The following ANKRD30A variants were observed in gnomAD, a reference collection of about 807,000 sequenced individuals.
ANKRD30A encodes ankyrin repeat domain-containing protein 30A.
Under a neutral mutation model 166.3 loss-of-function variants are expected in ANKRD30A, and 170 were observed. The observed-to-expected ratio is 1.02, with a 90% CI of 0.90 to 1.16. The LOEUF (loss-of-function observed/expected upper bound fraction) is 1.16. Ranked by LOEUF, ANKRD30A falls within the 50% of genes most tolerant of loss-of-function variation. The pLI is 0.00. For missense variants in ANKRD30A, 1,630 were observed against 1,518.0 expected (o/e 1.07, Z -1.23); for synonymous variants, 564 against 508.9 (o/e 1.11, Z -1.46).
Position 37,141,811 on chromosome 10 carries a change from A to T in ANKRD30A, c.914A>T (p.Glu305Val). ...AGCTTGGTGGAAAAAACACCTGATG[A>T]GGCTGCACCCTTGGTGGAAAGAACA... ...AESLVEKTPD[E>V]AAPLVERTPD... Residue 305 changes from glutamate (E) to valine (V), a missense_variant, in exon 7 of 36, where the codon GAG becomes GTG. Transcript: ENST00000361713. 6.2e-7 allele frequency: 1 copy of T among 1,612,476 alleles called. No individual in the cohort carries two copies. Among genetic ancestry groups the T allele is most frequent in the Non-Finnish European group, 8.5e-7 (1 of 1,179,530 alleles).
Position 37,165,245 on chromosome 10 carries a change from G to T in ANKRD30A, c.2064+90G>T, listed in dbSNP as rs1479896507. 12 of 1,216,082 alleles carry T rather than the reference G, an allele frequency of 9.9e-6. 1 individual carries two copies. The highest frequency in any genetic ancestry group is 7.8e-5 in the Admixed American group (4 of 51,310). 75.3% of individuals were successfully genotyped at this position (1,216,082 alleles called of 1,614,324 possible). A position where few individuals can be genotyped will look rare whatever the true frequency, so the allele number is the denominator to read the frequency against. On this transcript the variant is annotated intron_variant, in intron 18 of 35. Transcript: ENST00000361713. ...GCTTAGTCTTTATTTTCTCACCTCT[G>T]CATGTGTCACCCTCAAATTATTTTT...
chr10:37,147,767 G>A (rs1265528696), intron 9 of ANKRD30A, among the ~76,000 whole-genome samples: 1 of 152,112 alleles, frequency 6.6e-6, no homozygotes, highest in East Asian at 1.9e-4. Flanking sequence ...AGTACAGGGA[G>A]TTCATGAAGG....
Position 37,149,804 on chromosome 10 carries a change from C to G in ANKRD30A, c.1600C>G (p.Pro534Ala). Residue 534 changes from proline (P) to alanine (A), a missense_variant, in exon 11 of 36, where the codon CCA becomes GCA. Physicochemically the swap from Pro to Ala is conservative, Grantham distance 27 (BLOSUM62 -1). This residue lies in a region of ANKRD30A where 904 missense variants were observed against 818.5 expected (regional missense o/e 1.10). Coordinates refer to ENST00000361713, the MANE Select transcript of ANKRD30A (RefSeq NM_052997.3). ...KPAIEMQNSV[P>A]NKAFELKNEQ... ...TGCCATTGAAATGCAAAACTCTGTT[C>G]CAAATAAAGCCTTTGAATTGAAGAA... The G allele has an allele frequency of 6.2e-7, 1 of 1,612,834 alleles. No homozygotes were observed. The highest frequency in any genetic ancestry group is 2.2e-5 in the East Asian group (1 of 44,766).
the ANKRD30A span, among the ~76,000 whole-genome samples, chr10:37,246,730 T>C: frequency 3.3e-5 from 5 of 152,138 alleles, no homozygotes; most frequent in African/African-American, 4.8e-5. Flanking sequence ...GCATTAAGGA[T>C]GGTTCTAGAG....
chr10:37,256,941 T>C, the ANKRD30A span, among the ~76,000 whole-genome samples: 40 of 152,194 alleles, frequency 2.6e-4, no homozygotes, highest in Admixed American at 2.6e-3. Context: ...TCTTTTCTTT[T>C]GTTTGGAATA....
intron 4 of ANKRD30A, among the ~76,000 whole-genome samples, chr10:37,132,785 G>A (rs1312557111): frequency 1.3e-5 from 2 of 152,130 alleles, no homozygotes; most frequent in Non-Finnish European, 2.9e-5. Flanking sequence ...ATCACTTGAG[G>A]CCAGGAGTTT....
At chr10:37,165,808 T>C (rs560548463) in intron 18 of ANKRD30A, among the ~76,000 whole-genome samples, 3 of 152,238 alleles carry the variant, frequency 2.0e-5, no homozygotes, top group South Asian at 2.1e-4. Flanking sequence ...CGTCAAATCA[T>C]AGTGATGTAT....
intron 12 of ANKRD30A, among the ~76,000 whole-genome samples, chr10:37,152,997 T>A (rs1243621918): frequency 1.3e-5 from 2 of 152,176 alleles, no homozygotes; most frequent in African/African-American, 4.8e-5. Flanking sequence ...AAGCACTTTT[T>A]CTATCACCAT....
chr10:37,191,303 G>T (rs1378527866), intron 25 of ANKRD30A, among the ~76,000 whole-genome samples: 1 of 151,846 alleles, frequency 6.6e-6, no homozygotes, highest in African/African-American at 2.4e-5. Context: ...TTAATATTAT[G>T]CTCTAAATAT....
At chr10:37,204,084 A>G (rs1841829096) in intron 31 of ANKRD30A, among the ~76,000 whole-genome samples, 1 of 152,320 alleles carries the variant, frequency 6.6e-6, no homozygotes, top group Admixed American at 6.5e-5. Flanking sequence ...TATGGATTCA[A>G]TGCCATCCCC....
At chr10:37,227,885 C>T (rs776095098) in intron 34 of ANKRD30A, among the ~76,000 whole-genome samples, 1 of 151,914 alleles carries the variant, frequency 6.6e-6, no homozygotes, top group Non-Finnish European at 1.5e-5. Context: ...AGAGTCAGTC[C>T]AGACTGTAAG....
At chr10:37,197,934 G>A (rs1028914211) in intron 29 of ANKRD30A, among the ~76,000 whole-genome samples, 8 of 151,996 alleles carry the variant, frequency 5.3e-5, no homozygotes, top group South Asian at 2.1e-4. Context: ...CAGTAACTCG[G>A]ATTAGTGAAC....
intron 6 of ANKRD30A, among the ~76,000 whole-genome samples, 160 bp downstream of exon 6, chr10:37,136,831 G>GTGTGTGTGTATA (rs67891035): frequency 2.1e-5 from 3 of 141,934 alleles, no homozygotes; most frequent in African/African-American, 7.8e-5. Flanking sequence ...GTGTGTGTGT[G>GTGTGTGTGTATA]TATATATATA....
intron 31 of ANKRD30A, among the ~76,000 whole-genome samples, chr10:37,212,453 T>G (rs191961771): frequency 1.3e-5 from 2 of 152,170 alleles, no homozygotes; most frequent in African/African-American, 4.8e-5. Flanking sequence ...CCCAAGGTAA[T>G]TTATCGATTC....
intron 25 of ANKRD30A, among the ~76,000 whole-genome samples, chr10:37,190,279 G>A (rs1306879691): frequency 6.6e-6 from 1 of 151,882 alleles, no homozygotes; most frequent in Non-Finnish European, 1.5e-5. Context: ...AGGTGATGCT[G>A]ATGCTGGTGG....
At chr10:37,243,167 C>A in the ANKRD30A span, among the ~76,000 whole-genome samples, 7 of 148,396 alleles carry the variant, frequency 4.7e-5, no homozygotes, top group Admixed American at 3.4e-4. Context: ...CGGAGTCTCG[C>A]TCTGTCGCCC....
At chr10:37,145,802 A>C (rs1024078985) in intron 8 of ANKRD30A, among the ~76,000 whole-genome samples, 13 of 152,402 alleles carry the variant, frequency 8.5e-5, no homozygotes, top group African/African-American at 2.9e-4. Context: ...CATAAAAGAT[A>C]ATGCTTGGAT....
At chr10:37,133,427 G>A (rs1360702388) in intron 4 of ANKRD30A, among the ~76,000 whole-genome samples, 1 of 152,130 alleles carries the variant, frequency 6.6e-6, no homozygotes, top group Non-Finnish European at 1.5e-5. Flanking sequence ...AAGGACTATT[G>A]TGTTGAAGTA....
In ANKRD30A at chr10:37,219,134, A is replaced by G. The variant is rs1200176851; in HGVS notation, c.3422A>G (p.Glu1141Gly). The change falls in exon 34 of 36, where the codon GAA becomes GGA. Residue 1141 changes from glutamate to glycine, a missense_variant. By Grantham distance (98) the Glu-to-Gly change is moderately conservative. Coordinates refer to ENST00000361713, the MANE Select transcript of ANKRD30A (RefSeq NM_052997.3). Reference protein sequence around the residue: ...KYFEDIKILKEKNAELQMTLK... With the variant: ...KYFEDIKILKGKNAELQMTLK... ...TTTGAGGACATTAAGATTTTAAAAG[A>G]AAAGAATGCTGAACTTCAGATGACC... The G allele has an allele frequency of 1.7e-5, 28 of 1,610,058 alleles. No individual in the cohort carries two copies. The highest frequency in any genetic ancestry group is 2.2e-5 in the Non-Finnish European group (26 of 1,177,358).
Sources: allele counts gnomAD v4.1 joint callset (sites outside exome capture counted in the v4.1 genomes callset), GRCh38; gene constraint gnomAD v4.1.1; regional missense constraint gnomAD v4.1.1; transcripts MANE v1.5; gene names NCBI Gene and HGNC (gene_info 2026-07-23, HGNC 2026-07-21).